Variants in ZCCHC7 observed in about 807,000 individuals in gnomAD.
ZCCHC7 encodes the protein zinc finger CCHC domain-containing protein 7.
A neutral mutation model predicts 52.0 loss-of-function variants in ZCCHC7; 35 were observed. The observed-to-expected ratio is 0.67, with a 90% CI of 0.51 to 0.89. The LOEUF is 0.89. ZCCHC7 is among the 40% of genes least tolerant of loss of function. The pLI is 0.00. For synonymous variants in ZCCHC7, 217 were observed against 221.5 expected (o/e 0.98, Z 0.18); for missense variants, 574 against 649.1 (o/e 0.88, Z 1.26).
intron 2 of ZCCHC7, among the ~76,000 whole-genome samples, chr9:37,267,068 T>C (rs1827139998): frequency 6.6e-6 from 1 of 152,176 alleles, no homozygotes; most frequent in Non-Finnish European, 1.5e-5. Flanking sequence ...GCCTGTACAA[T>C]TAATTTATCC....
In ZCCHC7 at chr9:37,236,087, A is replaced by G. The variant is rs138218845; in HGVS notation, c.611-66101A>G. Among the ~76,000 whole-genome samples the G allele has an allele frequency of 4.4e-3, 675 of 152,258 alleles. 4 individuals are homozygous for G. Among genetic ancestry groups the G allele is most frequent in the African/African-American group, 0.015 (607 of 41,542 alleles). ...AATAACTCAATGGGATTGCTGGATC[A>G]TATGGTAGCTCTACTTCTAGTTTTT... On this transcript the variant is annotated intron_variant, in intron 2 of 8. Transcript: ENST00000336755.
chr9:37,275,059 T>C (rs1218536424), intron 2 of ZCCHC7, among the ~76,000 whole-genome samples: 1 of 152,226 alleles, frequency 6.6e-6, no homozygotes, highest in East Asian at 1.9e-4. Flanking sequence ...GGCAAGTCTT[T>C]CTAGCATGTT....
At chr9:37,215,323 A>G (rs1588494548) in intron 2 of ZCCHC7, among the ~76,000 whole-genome samples, 1 of 152,330 alleles carries the variant, frequency 6.6e-6, no homozygotes, top group East Asian at 1.9e-4. Flanking sequence ...CAGAACACAG[A>G]CATTTTCAGG....
At chr9:37,328,380 C>T (rs1830331766) in intron 6 of ZCCHC7, among the ~76,000 whole-genome samples, 1 of 152,008 alleles carries the variant, frequency 6.6e-6, no homozygotes, top group Non-Finnish European at 1.5e-5. Flanking sequence ...TTCCTAGTTT[C>T]CTTTTATTGT....
chr9:37,310,050 C>T (rs919496572), intron 5 of ZCCHC7, among the ~76,000 whole-genome samples: 6 of 152,092 alleles, frequency 3.9e-5, no homozygotes, highest in Non-Finnish European at 5.9e-5. Flanking sequence ...TGAAAACTGT[C>T]GAGTCATATT....
rs150047394 is a variant in ZCCHC7 at position 37,298,368 on chromosome 9, A to G, written c.611-3820A>G. Among the ~76,000 whole-genome samples the G allele has an allele frequency of 5.1e-3, 775 of 152,354 alleles. 2 individuals are homozygous for G. Among genetic ancestry groups the G allele is most frequent in the Non-Finnish European group, 8.4e-3 (574 of 68,042 alleles). Reference sequence around the variant, plus strand: ...AACATGAGATTCGGCCAGGACATATATTCAAACTATATCAATATCATCACC... The same window carrying G: ...AACATGAGATTCGGCCAGGACATATGTTCAAACTATATCAATATCATCACC... On this transcript the variant is annotated intron_variant, in intron 2 of 8. Coordinates refer to ENST00000336755, the MANE Select transcript of ZCCHC7 (RefSeq NM_032226.3).
chr9:37,184,687 T>TTTGTTG (rs56220914), intron 2 of ZCCHC7, among the ~76,000 whole-genome samples: 7,666 of 150,444 alleles, frequency 0.051, 600 homozygotes, highest in African/African-American at 0.17. Context: ...TGTCTGGTGA[T>TTTGTTG]TTGTTGTTGT....
intron 2 of ZCCHC7, among the ~76,000 whole-genome samples, chr9:37,236,923 T>C (rs985417901): frequency 6.6e-6 from 1 of 152,218 alleles, no homozygotes; most frequent in Admixed American, 6.5e-5. Flanking sequence ...TCATAGATAT[T>C]ATATCACCCA....
chr9:37,266,126 C>G (rs1339553), intron 2 of ZCCHC7, among the ~76,000 whole-genome samples: 52,859 of 152,086 alleles, frequency 0.35, 9,568 homozygotes, highest in Middle Eastern at 0.41. Context: ...CACTTTAATT[C>G]CTTTTTTAAA....
At chr9:37,194,404 A>G (rs1022432942) in intron 2 of ZCCHC7, among the ~76,000 whole-genome samples, 1 of 152,134 alleles carries the variant, frequency 6.6e-6, no homozygotes, top group Non-Finnish European at 1.5e-5. Flanking sequence ...GTTAGATAAT[A>G]TAGGTAGAGA....
chr9:37,254,150 C>A (rs553565432), intron 2 of ZCCHC7, among the ~76,000 whole-genome samples: 1 of 152,064 alleles, frequency 6.6e-6, no homozygotes, highest in African/African-American at 2.4e-5. Context: ...AACGTACAAC[C>A]AGAATAATCA....
chr9:37,347,384 G>C (rs1311390588), intron 6 of ZCCHC7, among the ~76,000 whole-genome samples: 1 of 151,924 alleles, frequency 6.6e-6, no homozygotes, highest in Non-Finnish European at 1.5e-5. Flanking sequence ...AACATTTTTT[G>C]TTCTGAAATA....
intron 6 of ZCCHC7, among the ~76,000 whole-genome samples, chr9:37,332,799 T>C (rs373079675): frequency 7.9e-5 from 12 of 151,662 alleles, no homozygotes; most frequent in African/African-American, 2.9e-4. Context: ...AAAGCTACTG[T>C]AAAGGAAAGG....
chr9:37,245,599 C>A (rs1306894801), intron 2 of ZCCHC7, among the ~76,000 whole-genome samples: 1 of 151,904 alleles, frequency 6.6e-6, no homozygotes, highest in Admixed American at 6.6e-5. Context: ...TGGATACTTA[C>A]AATACAAAGT....
At chr9:37,157,648 A>C (rs767926009) in intron 2 of ZCCHC7, among the ~76,000 whole-genome samples, 10 of 152,190 alleles carry the variant, frequency 6.6e-5, no homozygotes, top group Non-Finnish European at 5.9e-5. Context: ...CTGAACAGGC[A>C]TTTTTCCAAA....
chr9:37,134,027 A>G (rs889636079), intron 2 of ZCCHC7, among the ~76,000 whole-genome samples: 9 of 152,098 alleles, frequency 5.9e-5, no homozygotes, highest in Admixed American at 3.9e-4. Context: ...CCCGACTGAA[A>G]CGTACTATAT....
chr9:37,141,156 T>C (rs773699642), intron 2 of ZCCHC7, among the ~76,000 whole-genome samples: 1 of 151,962 alleles, frequency 6.6e-6, no homozygotes, highest in Non-Finnish European at 1.5e-5. Flanking sequence ...GGCCGTTTGC[T>C]CTAATTTAAA....
At chr9:37,249,599 G>A (rs549766633) in intron 2 of ZCCHC7, among the ~76,000 whole-genome samples, 14 of 151,368 alleles carry the variant, frequency 9.2e-5, no homozygotes, top group Non-Finnish European at 7.4e-5. Flanking sequence ...CTACGGGTGC[G>A]TGCCACCACA....
chr9:37,230,314 T>C (rs2133307583), intron 2 of ZCCHC7, among the ~76,000 whole-genome samples: 1 of 152,046 alleles, frequency 6.6e-6, no homozygotes, highest in East Asian at 1.9e-4. Context: ...TACACAAACA[T>C]GACCCCAAAC....
Sources: allele counts gnomAD v4.1 joint callset (sites outside exome capture counted in the v4.1 genomes callset), GRCh38; gene constraint gnomAD v4.1.1; transcripts MANE v1.5; gene names NCBI Gene and HGNC (gene_info 2026-07-23, HGNC 2026-07-21).